Variants in CHRAC1 observed in about 807,000 individuals in gnomAD.
CHRAC1 encodes the protein chromatin accessibility complex protein 1.
Under a neutral mutation model 9.1 loss-of-function variants are expected in CHRAC1, and 6 were observed. The observed-to-expected ratio is 0.66, with a 90% CI of 0.36 to 1.29. The LOEUF is 1.29. Among genes scored for constraint, CHRAC1 ranks in the 50% most tolerant of loss-of-function variants. CHRAC1 has a pLI of 0.03. For missense variants in CHRAC1, 168 were observed against 163.5 expected, an observed-to-expected ratio of 1.03 and a Z score of -0.15; for synonymous variants, 73 against 64.5, an observed-to-expected ratio of 1.13 and a Z score of -0.63.
At chr8:140,513,909 ATTTCT>A (rs1173267456) in intron 1 of CHRAC1, among the ~76,000 whole-genome samples, 3 of 95,330 alleles carry the variant, frequency 3.1e-5, no homozygotes, top group African/African-American at 1.3e-4. Context: ...TTCCCCAGTG[ATTTCT>A]TTTTTTTTTT....
Position 140,514,383 on chromosome 8 carries a change from A to T in CHRAC1, c.162A>T (p.Gln54His). 6.3e-7 allele frequency: 1 copy of T among 1,585,214 alleles called. No individual in the cohort carries two copies. Among genetic ancestry groups the T allele is most frequent in the African/African-American group, 1.4e-5 (1 of 73,024 alleles). The change falls in exon 2 of 3, where the codon CAA becomes CAT. Residue 54 changes from glutamine (Q) to histidine (H), a missense_variant. Coordinates refer to ENST00000220913, the MANE Select transcript of CHRAC1 (RefSeq NM_017444.6). ...TTTTGTTCTAGGAGCTCTTTGTTCA[A>T]TGCCTAGCCACCTATTCCTACAGAC... is the stretch of plus-strand genomic sequence containing the variant. ...LTAKATELFV[Q>H]CLATYSYRHG...
rs2072337254 is a variant in CHRAC1, at chr8:140,516,344, C to G, written c.*1097C>G. The stretch of plus-strand genomic sequence containing the variant: ...TGTATTTTTTAGTAGAGACGGGGTT[C>G]ACCATGTTGGCCAGGCTTGTCTCAA... On this transcript the variant is annotated 3_prime_UTR_variant, in exon 3 of 3. Coordinates refer to ENST00000220913, the MANE Select transcript of CHRAC1 (RefSeq NM_017444.6). 1 of 151,890 alleles carries G rather than the reference C, an allele frequency of 6.6e-6. No individual in the cohort carries two copies. Among genetic ancestry groups the G allele is most frequent in the Non-Finnish European group, 1.5e-5 (1 of 67,994 alleles). The allele number at this position is 151,890 out of a possible 1,614,324, so 9.4% of individuals were successfully genotyped here. A position where few individuals can be genotyped will look rare whatever the true frequency, so the allele number is the denominator to read the frequency against.
chr8:140,513,882 G>C (rs1196026962), intron 1 of CHRAC1, among the ~76,000 whole-genome samples: 1 of 142,498 alleles, frequency 7.0e-6, no homozygotes, highest in South Asian at 2.3e-4. Flanking sequence ...CTTTCTTTCT[G>C]ACCTCATGTT....
Position 140,514,442 on chromosome 8 carries a change from A to G in CHRAC1, c.221A>G (p.Tyr74Cys). Residue 74 changes from tyrosine to cysteine, a missense_variant, in exon 2 of 3, where the codon TAC becomes TGC. Transcript: ENST00000220913. ...GSGKEKKVLT[Y>C]SDLANTAQQS... ...GGAAAGGAAAAGAAAGTACTGACTT[A>G]CAGTGATTTAGCAAACACTGCACAG... is the stretch of plus-strand genomic sequence containing the variant. 6.3e-7 allele frequency: 1 copy of G among 1,583,474 alleles called. No homozygotes were observed. The highest frequency in any genetic ancestry group is 8.5e-7 in the Non-Finnish European group (1 of 1,171,244).
rs2072323106 is a variant in CHRAC1 at position 140,515,338 on chromosome 8, G to A, written c.*91G>A. 1.5e-5 allele frequency: 20 copies of A among 1,340,166 alleles called. No homozygotes were observed. Among genetic ancestry groups the A allele is most frequent in the South Asian group, 2.7e-5 (2 of 73,478 alleles). 83.0% of individuals were successfully genotyped at this position (1,340,166 alleles called of 1,614,324 possible). A position where few individuals can be genotyped will look rare whatever the true frequency, so the allele number is the denominator to read the frequency against. Reference sequence around the variant, plus strand: ...AAACACAGCACTGCCCGCTTTTAGCGTCTTCACTTCTTCACAGAGTTCCAG... The same window carrying A: ...AAACACAGCACTGCCCGCTTTTAGCATCTTCACTTCTTCACAGAGTTCCAG... On this transcript the variant is annotated 3_prime_UTR_variant, in exon 3 of 3. Coordinates refer to ENST00000220913, the MANE Select transcript of CHRAC1 (RefSeq NM_017444.6).
chr8:140,511,990 C>T (rs548133706), intron 1 of CHRAC1: 1 of 1,292,540 alleles, frequency 7.7e-7, no homozygotes, highest in Non-Finnish European at 1.0e-6. Context: ...CCACTGTCCT[C>T]CCGCCGTTTC....
At chr8:140,511,679 T>G (rs749753007) in intron 1 of CHRAC1, 33 bp downstream of exon 1, 1 of 1,308,008 alleles carries the variant, frequency 7.6e-7, no homozygotes. Context: ...TGGGCCGCCC[T>G]TACCCCTCGC....
Position 140,515,199 on chromosome 8 carries a change from G to A in CHRAC1, c.348G>A (p.Glu116=). 11 of 1,613,732 alleles carry A rather than the reference G, an allele frequency of 6.8e-6. No individual in the cohort carries two copies. The highest frequency in any genetic ancestry group is 8.5e-6 in the Non-Finnish European group (10 of 1,179,744). The stretch of plus-strand genomic sequence containing the variant: ...AAGAGGAAAAGAGGGAAGAAGATGA[G>A]GAGAATGACAATGATAATGAAAGTG... ...MLKEEKREED[E]ENDNDNESDH... is the part of the protein sequence containing the mutation. Residue 116 remains glutamate (E), a synonymous_variant, in exon 3 of 3, where the codon GAG becomes GAA. Coordinates refer to ENST00000220913, the MANE Select transcript of CHRAC1 (RefSeq NM_017444.6).
chr8:140,515,010 CTT>C, intron 2 of CHRAC1, 114 bp from the exon 3 acceptor site: 2 of 1,008,110 alleles, frequency 2.0e-6, no homozygotes, highest in Non-Finnish European at 2.9e-6. Context: ...TGAATTTCAT[CTT>C]GTTTTGGAAC....
intron 1 of CHRAC1, chr8:140,511,915 C>T (rs1564057998): frequency 1.8e-6 from 2 of 1,136,748 alleles, no homozygotes; most frequent in Admixed American, 2.3e-5. Context: ...GCCTCTCCCG[C>T]CCTTTGTCGC....
intron 2 of CHRAC1, chr8:140,514,724 ATGTTGG>A: frequency 2.4e-6 from 1 of 420,514 alleles, no homozygotes; most frequent in Non-Finnish European, 4.2e-6. Flanking sequence ...CATTCACAAG[ATGTTGG>A]TTGGCCGCGT....
At chr8:140,511,917 C>G in intron 1 of CHRAC1, 1 of 1,171,660 alleles carries the variant, frequency 8.5e-7, no homozygotes, top group Non-Finnish European at 1.1e-6. Flanking sequence ...CTCTCCCGCC[C>G]TTTGTCGCCT....
In CHRAC1 at chr8:140,515,931, A is replaced by AAATC. The variant is rs1424736436; in HGVS notation, c.*687_*690dup. 1 of 152,192 alleles carries AAATC rather than the reference A, an allele frequency of 6.6e-6. No homozygotes were observed. The highest frequency in any genetic ancestry group is 1.5e-5 in the Non-Finnish European group (1 of 68,034). The allele number at this position is 152,192 out of a possible 1,614,324, so 9.4% of individuals were successfully genotyped here. A position where few individuals can be genotyped will look rare whatever the true frequency, so the allele number is the denominator to read the frequency against. On this transcript the variant is annotated 3_prime_UTR_variant, in exon 3 of 3. Coordinates refer to ENST00000220913, the MANE Select transcript of CHRAC1 (RefSeq NM_017444.6). ...CAGAAAAATTCCAAGTCAAATTATC[A>AAATC]AATCAAATACAAAAATAAGTCTTAC...
At position 140,516,014 on chromosome 8, in the gene CHRAC1, A is replaced by T. The variant is rs1265982046; in HGVS notation, c.*767A>T. On this transcript the variant is annotated 3_prime_UTR_variant, in exon 3 of 3. Coordinates refer to ENST00000220913, the MANE Select transcript of CHRAC1 (RefSeq NM_017444.6). ...TTTTGAAACATTTTGTATATTGGAG[A>T]TCTCTCTCATCTTACTGTTCTTTGC... The T allele has an allele frequency of 3.9e-5, 6 of 152,152 alleles. No individual in the cohort carries two copies. In the East Asian group the frequency reaches 1.2e-3, roughly 29 times the overall value. 9.4% of individuals were successfully genotyped at this position (152,152 alleles called of 1,614,324 possible).
chr8:140,513,967 C>T (rs951682276), intron 1 of CHRAC1, among the ~76,000 whole-genome samples: 1 of 136,618 alleles, frequency 7.3e-6, no homozygotes, highest in Admixed American at 8.1e-5. Context: ...ATCACCCAGG[C>T]CAGAGTGCTG....
At position 140,516,003 on chromosome 8, in the gene CHRAC1, G is replaced by T. The variant is rs2072332424; in HGVS notation, c.*756G>T. On this transcript the variant is annotated 3_prime_UTR_variant, in exon 3 of 3. Coordinates refer to ENST00000220913, the MANE Select transcript of CHRAC1 (RefSeq NM_017444.6). ...CTAAAAAAAAATTTTGAAACATTTT[G>T]TATATTGGAGATCTCTCTCATCTTA... The T allele has an allele frequency of 6.6e-6, 1 of 152,016 alleles. No homozygotes were observed. Among genetic ancestry groups the T allele is most frequent in the Non-Finnish European group, 1.5e-5 (1 of 67,988 alleles). The allele number at this position is 152,016 out of a possible 1,614,324, so 9.4% of individuals were successfully genotyped here. A position where few individuals can be genotyped will look rare whatever the true frequency, so the allele number is the denominator to read the frequency against.
At chr8:140,513,880 C>T (rs995760540) in intron 1 of CHRAC1, among the ~76,000 whole-genome samples, 1 of 144,866 alleles carries the variant, frequency 6.9e-6, no homozygotes, top group East Asian at 2.0e-4. Flanking sequence ...TGCTTTCTTT[C>T]TGACCTCATG....
intron 1 of CHRAC1, 143 bp downstream of exon 1, chr8:140,511,789 C>T (rs1050108635): frequency 5.6e-6 from 5 of 892,850 alleles, no homozygotes; most frequent in South Asian, 1.7e-5. Context: ...GTCCCCGTCC[C>T]ACGCCGGCGC....
At chr8:140,515,074 G>A (rs944581697) in intron 2 of CHRAC1, 52 bp from the exon 3 acceptor site, 2 of 1,570,680 alleles carry the variant, frequency 1.3e-6, no homozygotes, top group Non-Finnish European at 1.7e-6. Flanking sequence ...GTGCATTGCT[G>A]TGTTCATAGT....
Sources: gnomAD v4.1 joint callset for allele counts (sites outside exome capture counted in the v4.1 genomes callset) on GRCh38, gnomAD v4.1.1 for gene constraint, MANE v1.5 for transcripts, NCBI Gene and HGNC (gene_info 2026-07-23, HGNC 2026-07-21) for gene names.